LTBP4: variants seen among roughly 807,000 people sequenced by gnomAD.
The protein encoded by LTBP4 is latent transforming growth factor beta binding protein 4.
In LTBP4, 93 loss-of-function variants were observed where a neutral mutation model predicts 180.2. The observed-to-expected ratio is 0.52, with a 90% CI of 0.44 to 0.61. The LOEUF (loss-of-function observed/expected upper bound fraction) is 0.61. Among genes scored for constraint, LTBP4 ranks in the 20% least tolerant of loss-of-function variants. The probability of loss-of-function intolerance (pLI) is 0.00; values close to 1 mark genes in which losing one functional copy is unlikely to be tolerated. For synonymous variants in LTBP4, 947 were observed against 934.5 expected (o/e 1.01, Z -0.24); for missense variants, 2,116 against 2,256.5 (o/e 0.94, Z 1.26).
In LTBP4 at chr19:40,627,828, G is replaced by T. The variant is rs866718700; in HGVS notation, c.4490G>T (p.Arg1497Leu). Residue 1497 changes from arginine (R) to leucine (L), a missense_variant, in exon 29 of 30, where the codon CGC (arginine) becomes CTC (leucine). By Grantham distance (102) the Arg-to-Leu change is moderately radical. Coordinates refer to ENST00000396819, the MANE Select transcript of LTBP4 (RefSeq NM_001042545.2). ...GFTCRCFDGY[R>L]LDMTRMACVD... The stretch of plus-strand genomic sequence containing the variant: ...ACCTGCCGTTGCTTCGACGGCTACC[G>T]CCTGGACATGACCCGCATGGCCTGC... The T allele has an allele frequency of 1.3e-6, 2 of 1,569,734 alleles. No individual in the cohort carries two copies. The highest frequency in any genetic ancestry group is 1.3e-5 in the African/African-American group (1 of 74,116).
upstream of LTBP4, chr19:40,599,322 C>G (rs1044343847): frequency 6.2e-7 from 1 of 1,608,548 alleles, no homozygotes. Flanking sequence ...GCAGGGAGCT[C>G]CCCATCCCTC....
intron 1 of LTBP4, among the ~76,000 whole-genome samples, chr19:40,593,950 T>A (rs2081378574): frequency 6.6e-6 from 1 of 151,994 alleles, no homozygotes; most frequent in Non-Finnish European, 1.5e-5. Context: ...TGCGCCACCA[T>A]GCCTGGATAA....
chr19:40,627,596 G>A, intron 28 of LTBP4, 109 bp from the exon 29 acceptor site: 1 of 1,436,312 alleles, frequency 7.0e-7, no homozygotes, highest in Non-Finnish European at 9.4e-7. Flanking sequence ...CCTGGAGCGG[G>A]ATGGACAGTT....
In LTBP4 at chr19:40,616,985, C is replaced by G. The variant is rs200667255; in HGVS notation, c.2909C>G (p.Pro970Arg). The G allele has an allele frequency of 7.9e-4, 1,272 of 1,613,978 alleles. 8 individuals are homozygous for G. Among genetic ancestry groups the G allele is most frequent in the African/African-American group, 2.8e-3 (213 of 75,072 alleles). The part of the protein sequence containing the change: ...GSYRCTPACD[P>R]GYQPTPGGGC... ...TACCGCTGCACACCAGCCTGTGACC[C>G]TGGCTATCAGCCCACGCCAGGGGGC... The change falls in exon 20 of 30, where the codon CCT becomes CGT. Residue 970 changes from proline to arginine, a missense_variant. Physicochemically the swap from Pro to Arg is moderately radical, Grantham distance 103. Transcript: ENST00000396819.
intron 19 of LTBP4, among the ~76,000 whole-genome samples, chr19:40,615,062 C>A (rs2081537293): frequency 6.6e-6 from 1 of 152,130 alleles, no homozygotes; most frequent in Non-Finnish European, 1.5e-5. Flanking sequence ...CGCCCACAGA[C>A]CCGCCCCTTG....
chr19:40,622,369 C>T lies in LTBP4; in HGVS notation c.3218-32C>T, dbSNP rs562391171. The T allele has an allele frequency of 2.7e-6, 4 of 1,471,018 alleles. No homozygotes were observed. The South Asian group carries it at 5.5e-5, about 20-fold the overall frequency. 91.1% of individuals were successfully genotyped at this position (1,471,018 alleles called of 1,614,324 possible). On this transcript the variant is annotated intron_variant, in intron 22 of 29. Coordinates refer to ENST00000396819, the MANE Select transcript of LTBP4 (RefSeq NM_001042545.2). This position sits in a 1 kb window ranked among gnomAD's most constrained non-coding sequence, Gnocchi z 5.1. ...ATAGTGGCGGGGCTGGGGATTCAGCCCACACTGGGCTAAAGCTCCTTGTCT... is the reference window on the plus strand; with the variant it reads ...ATAGTGGCGGGGCTGGGGATTCAGCTCACACTGGGCTAAAGCTCCTTGTCT...
upstream of LTBP4, chr19:40,597,098 T>C (rs887973138): frequency 2.3e-6 from 2 of 852,476 alleles, no homozygotes; most frequent in Non-Finnish European, 3.1e-6. Flanking sequence ...GGCGGGAAGT[T>C]CGCAGCCCGT....
chr19:40,593,734 C>T (rs2081377643), intron 1 of LTBP4, among the ~76,000 whole-genome samples: 1 of 151,454 alleles, frequency 6.6e-6, no homozygotes, highest in Non-Finnish European at 1.5e-5. Context: ...ATCCAGAACG[C>T]TCGTGTTGCT....
Position 40,613,440 on chromosome 19 carries a change from C to T in LTBP4, c.2468C>T (p.Pro823Leu), listed in dbSNP as rs1246455571. ...NECLEGDFCF[P>L]HGECLNTDGS... ...TGCCTGGAGGGCGATTTCTGCTTCC[C>T]TCACGGCGAGTGCCTCAACACTGAC... is the stretch of plus-strand genomic sequence containing the variant. The change falls in exon 17 of 30, where the codon CCT (proline) becomes CTT (leucine). Residue 823 changes from proline (P) to leucine (L), a missense_variant. By Grantham distance (98) the Pro-to-Leu change is moderately conservative. This residue lies in a region of LTBP4 where 877 missense variants were observed against 873.6 expected (regional missense o/e 1.00). Coordinates refer to ENST00000396819, the MANE Select transcript of LTBP4 (RefSeq NM_001042545.2). This position sits in a 1 kb window ranked among gnomAD's most constrained non-coding sequence, Gnocchi z 5.0. 27 of 1,604,544 alleles carry T rather than the reference C, an allele frequency of 1.7e-5. No individual in the cohort carries two copies. Among genetic ancestry groups the T allele is most frequent in the Non-Finnish European group, 2.3e-5 (27 of 1,176,006 alleles).
rs2081480257 is a variant in LTBP4 at position 40,608,478 on chromosome 19, T to C, written c.1307-6T>C. The C allele has an allele frequency of 2.5e-6, 4 of 1,599,416 alleles. No individual in the cohort carries two copies. The East Asian group carries it at 9.0e-5, about 36-fold the overall frequency. On this transcript the variant is annotated splice_polypyrimidine_tract_variant and splice_region_variant and intron_variant, in intron 8 of 29. Coordinates refer to ENST00000396819, the MANE Select transcript of LTBP4 (RefSeq NM_001042545.2). Reference sequence around the variant, plus strand: ...GCTCCACTCGTTGATACCCCTTCTTTATCAGGCTTTCTGCCCACCCATCGC... The same window carrying C: ...GCTCCACTCGTTGATACCCCTTCTTCATCAGGCTTTCTGCCCACCCATCGC...
At position 40,605,621 on chromosome 19, in the gene LTBP4, G is replaced by A. The variant is rs772949766; in HGVS notation, c.659G>A (p.Gly220Asp). 1 of 1,592,184 alleles carries A rather than the reference G, an allele frequency of 6.3e-7. No individual in the cohort carries two copies. Among genetic ancestry groups the A allele is most frequent in the East Asian group, 2.3e-5 (1 of 44,008 alleles). ...EDGYSDASGF[G>D]YCFRELRGGE... The stretch of plus-strand genomic sequence containing the variant: ...GGCTACTCAGATGCCTCGGGCTTCG[G>A]TTACTGCTTTCGGGAGCTGCGCGGA... The change falls in exon 3 of 30, where the codon GGT becomes GAT. Residue 220 changes from glycine (G) to aspartate (D), a missense_variant. Physicochemically the swap from Gly to Asp is moderately conservative, Grantham distance 94. Transcript: ENST00000396819. This position sits in a 1 kb window ranked among gnomAD's most constrained non-coding sequence, Gnocchi z 5.5.
Position 40,610,095 on chromosome 19 carries a change from G to A in LTBP4, c.1684+224G>A, listed in dbSNP as rs2246761. On this transcript the variant is annotated intron_variant, in intron 11 of 29. Coordinates refer to ENST00000396819, the MANE Select transcript of LTBP4 (RefSeq NM_001042545.2). ...TCCCAAACTGCCAGTTTCTATCGGG[G>A]CCTGGTCGCAACTCGTATTGCTCCG... is the stretch of plus-strand genomic sequence containing the variant. 108,715 of 583,318 alleles carry A rather than the reference G, an allele frequency of 0.19. 11,022 individuals carry two copies. The highest frequency in any genetic ancestry group is 0.27 in the South Asian group (9,208 of 33,548). The allele number at this position is 583,318 out of a possible 1,614,324, so 36.1% of individuals were successfully genotyped here.
At position 40,626,858 on chromosome 19, in the gene LTBP4, G is replaced by A. The variant is rs908939318; in HGVS notation, c.3986-117G>A. ...TCTCAGCGCTGGCTCCAGAAACCCC[G>A]GGGCCACCCAGGACCCTCCCCATCC... is the stretch of plus-strand genomic sequence containing the variant. On this transcript the variant is annotated intron_variant, in intron 27 of 29. Coordinates refer to ENST00000396819, the MANE Select transcript of LTBP4 (RefSeq NM_001042545.2). The A allele has an allele frequency of 1.7e-5, 22 of 1,292,472 alleles. No individual in the cohort carries two copies. The Admixed American group carries it at 2.6e-4, about 15-fold the overall frequency. 80.1% of individuals were successfully genotyped at this position (1,292,472 alleles called of 1,614,324 possible). A position where few individuals can be genotyped will look rare whatever the true frequency, so the allele number is the denominator to read the frequency against.
At chr19:40,625,296 A>T (rs1234051428) in intron 26 of LTBP4, among the ~76,000 whole-genome samples, 777 of 9,586 alleles carry the variant, frequency 0.081, 144 homozygotes, top group African/African-American at 0.18. Context: ...ATATATATAT[A>T]TATATATATA....
At chr19:40,607,278 C>CCCA in intron 6 of LTBP4, 87 bp from the exon 7 acceptor site, 2 of 1,119,230 alleles carry the variant, frequency 1.8e-6, no homozygotes. Context: ...ACCCCCAACC[C>CCCA]CAGAACCATT....
At chr19:40,599,275 G>T (rs1485458739), upstream of LTBP4, 15 of 1,613,816 alleles carry the variant, frequency 9.3e-6, no homozygotes, top group Admixed American at 1.7e-5. Context: ...GGAAGATGGA[G>T]TATGAGTAGG....
At position 40,611,983 on chromosome 19, in the gene LTBP4, G is replaced by A; in HGVS notation, c.2178G>A (p.Glu726=). ...FQPNTAGSEC[E]DVDECENHLA... is the part of the protein sequence containing the mutation. ...CCAACACTGCTGGCTCCGAGTGCGA[G>A]GGTGAGGCCGGGGAGGGAGGGAGGA... The change falls in exon 14 of 30, where the codon GAG becomes GAA. Residue 726 remains glutamate (E), a splice_region_variant and synonymous_variant. Transcript: ENST00000396819. This position sits in a 1 kb window ranked among gnomAD's most constrained non-coding sequence, Gnocchi z 4.4. The A allele has an allele frequency of 1.9e-6, 3 of 1,611,864 alleles. No individual in the cohort carries two copies. Among genetic ancestry groups the A allele is most frequent in the Non-Finnish European group, 2.5e-6 (3 of 1,178,780 alleles).
Position 40,627,725 on chromosome 19 carries a change from G to A in LTBP4, c.4387G>A (p.Glu1463Lys), listed in dbSNP as rs1000512477. ...SYAGSLAEPYEELEAEECGIL... is the reference protein window; with the variant it reads ...SYAGSLAEPYKELEAEECGIL... ...CACAGGTTCCCTGGCTGAGCCCTAC[G>A]AGGAGCTGGAGGCGGAGGAGTGCGG... Residue 1463 changes from glutamate (E) to lysine (K), a missense_variant, in exon 29 of 30, where the codon GAG becomes AAG. Coordinates refer to ENST00000396819, the MANE Select transcript of LTBP4 (RefSeq NM_001042545.2). The A allele has an allele frequency of 3.8e-6, 6 of 1,596,868 alleles. No homozygotes were observed. The highest frequency in any genetic ancestry group is 2.7e-5 in the African/African-American group (2 of 74,548).
rs1474445587 is a variant in LTBP4, at chr19:40,605,474, A to T, written c.512A>T (p.Glu171Val). Residue 171 changes from glutamate to valine, a missense_variant, in exon 3 of 30, where the codon GAG (glutamate) becomes GTG (valine). Physicochemically the swap from Glu to Val is moderately radical, Grantham distance 121 (BLOSUM62 -2). Transcript: ENST00000396819. The surrounding 1 kb of genome is among the most constrained non-coding windows in gnomAD (Gnocchi z 5.5). The part of the protein sequence containing the change: ...QEASVVVHQV[E>V]RVSGPWEEAD... ...GCGTCGGTGGTGGTGCACCAGGTGG[A>T]GCGTGTGTCTGGCCCTTGGGAGGAG... The T allele has an allele frequency of 6.2e-7, 1 of 1,612,312 alleles. No homozygotes were observed. The highest frequency in any genetic ancestry group is 1.1e-5 in the South Asian group (1 of 91,078).
Sources: allele counts gnomAD v4.1 joint callset (sites outside exome capture counted in the v4.1 genomes callset), GRCh38; gene constraint gnomAD v4.1.1; regional missense constraint gnomAD v4.1.1; non-coding constraint Gnocchi (gnomAD v3.1); transcripts MANE v1.5; gene names NCBI Gene and HGNC (gene_info 2026-07-23, HGNC 2026-07-21).